CEP112: variants seen among roughly 807,000 people sequenced by gnomAD.
CEP112 encodes centrosomal protein of 112 kDa.
Under a neutral mutation model 153.0 loss-of-function variants are expected in CEP112, and 127 were observed. The observed-to-expected ratio is 0.83, with a 90% CI of 0.72 to 0.96. The LOEUF is 0.96. Among genes scored for constraint, CEP112 ranks in the 40% least tolerant of loss-of-function variants. CEP112 has a pLI of 0.00. For missense variants in CEP112, 1,089 were observed against 1,101.2 expected (o/e 0.99, Z 0.16); for synonymous variants, 358 against 374.4 (o/e 0.96, Z 0.51).
intron 23 of CEP112, among the ~76,000 whole-genome samples, chr17:65,692,519 G>A (rs1048852599): frequency 1.3e-5 from 2 of 152,030 alleles, no homozygotes; most frequent in Non-Finnish European, 2.9e-5. Flanking sequence ...GAGTCACCAC[G>A]CCTGGCCTGG....
chr17:65,687,070 A>T (rs1447187952), intron 24 of CEP112, among the ~76,000 whole-genome samples: 1 of 151,152 alleles, frequency 6.6e-6, no homozygotes, highest in Non-Finnish European at 1.5e-5. Context: ...TTACATGGTT[A>T]TTGTGAAAAT....
At chr17:65,697,370 A>G (rs561154436) in intron 23 of CEP112, among the ~76,000 whole-genome samples, 1 of 152,290 alleles carries the variant, frequency 6.6e-6, no homozygotes, top group Admixed American at 6.5e-5. Flanking sequence ...AATTCAGTCT[A>G]TTAACTGGGC....
At chr17:65,767,631 A>G (rs575144156) in intron 21 of CEP112, among the ~76,000 whole-genome samples, 1 of 151,928 alleles carries the variant, frequency 6.6e-6, no homozygotes, top group South Asian at 2.1e-4. Context: ...TCTTAGTTAT[A>G]CCAGCTTAAA....
chr17:66,081,452 T>G (rs1184590729), intron 8 of CEP112, among the ~76,000 whole-genome samples: 1 of 152,202 alleles, frequency 6.6e-6, no homozygotes, highest in Non-Finnish European at 1.5e-5. Context: ...ACAATGGCAT[T>G]TCTTTGTACA....
chr17:65,864,124 G>C lies in CEP112; in HGVS notation c.2164-12090C>G, dbSNP rs555775881. On this transcript the variant is annotated intron_variant, in intron 20 of 26. Coordinates refer to ENST00000535342, the MANE Select transcript of CEP112 (RefSeq NM_001199165.4). Reference sequence around the variant, plus strand: ...CCACTACACTCCAGCCTGGGCGACAGAGTGAGACTCCTCAAAAAAAAAAAA... The same window carrying C: ...CCACTACACTCCAGCCTGGGCGACACAGTGAGACTCCTCAAAAAAAAAAAA... 3.0e-5 allele frequency among the ~76,000 whole-genome samples: 4 copies of C among 133,920 alleles called. No homozygotes were observed. In the Admixed American group the frequency reaches 3.3e-4, roughly 11 times the overall value. The allele number at this position is 133,920 out of a possible 152,430, so 87.9% of individuals were successfully genotyped here.
At chr17:65,726,637 G>C (rs1032621466) in intron 23 of CEP112, among the ~76,000 whole-genome samples, 1 of 152,172 alleles carries the variant, frequency 6.6e-6, no homozygotes, top group African/African-American at 2.4e-5. Flanking sequence ...AAGCAGAAGA[G>C]TTTGATCATG....
chr17:65,970,434 ACAT>A (rs1285721771), intron 17 of CEP112, among the ~76,000 whole-genome samples: 1,123 of 46,436 alleles, frequency 0.024, 44 homozygotes, highest in Non-Finnish European at 0.024. Flanking sequence ...ATGCATGCAC[ACAT>A]CATGCATGTA....
At chr17:65,877,154 C>T (rs2146554151) in intron 20 of CEP112, among the ~76,000 whole-genome samples, 1 of 152,326 alleles carries the variant, frequency 6.6e-6, no homozygotes, top group South Asian at 2.1e-4. Flanking sequence ...TGCAGTCCAG[C>T]TGCAATTCAA....
At chr17:65,696,411 T>C (rs2048358397) in intron 23 of CEP112, among the ~76,000 whole-genome samples, 1 of 152,170 alleles carries the variant, frequency 6.6e-6, no homozygotes, top group African/African-American at 2.4e-5. Context: ...TTGAATGCTA[T>C]AGTGTTCTGT....
At chr17:65,829,277 C>T (rs1404243852) in intron 21 of CEP112, among the ~76,000 whole-genome samples, 1 of 152,130 alleles carries the variant, frequency 6.6e-6, no homozygotes, top group East Asian at 1.9e-4. Flanking sequence ...TACTCAACCA[C>T]TTTCAATTTT....
intron 21 of CEP112, among the ~76,000 whole-genome samples, chr17:65,763,237 T>A (rs1442868522): frequency 2.0e-5 from 3 of 152,000 alleles, no homozygotes; most frequent in Non-Finnish European, 4.4e-5. Flanking sequence ...CAATACTTTT[T>A]AAACATTTTT....
At chr17:66,121,628 T>C (rs2069594963) in intron 6 of CEP112, among the ~76,000 whole-genome samples, 1 of 152,170 alleles carries the variant, frequency 6.6e-6, no homozygotes, top group Admixed American at 6.5e-5. Flanking sequence ...TTCAAATCTA[T>C]TGCTGAGCCC....
chr17:66,145,128 C>T (rs895757859), intron 4 of CEP112, among the ~76,000 whole-genome samples: 4 of 152,144 alleles, frequency 2.6e-5, no homozygotes, highest in African/African-American at 9.7e-5. Context: ...TTATAATTTG[C>T]ATTTCCCTGC....
At chr17:66,091,744 GAGTT>G (rs1456712949) in intron 8 of CEP112, among the ~76,000 whole-genome samples, 1 of 152,082 alleles carries the variant, frequency 6.6e-6, no homozygotes, top group East Asian at 1.9e-4. Flanking sequence ...GTAAAATTAA[GAGTT>G]AGTTATTTGA....
intron 23 of CEP112, among the ~76,000 whole-genome samples, chr17:65,702,308 C>T (rs936174628): frequency 6.6e-6 from 1 of 152,196 alleles, no homozygotes. Context: ...CACCCTGCAT[C>T]CTTATCCTGT....
At chr17:65,729,909 T>A (rs112409588) in intron 23 of CEP112, among the ~76,000 whole-genome samples, 1 of 123,668 alleles carries the variant, frequency 8.1e-6, no homozygotes, top group Admixed American at 9.3e-5. Flanking sequence ...CGAGATCCTG[T>A]CTCAAACAAA....
In CEP112 at chr17:65,805,281, G is replaced by A. The variant is rs116920679; in HGVS notation, c.2394+46523C>T. ...CACTTGCCCAGAGATCAGAGTTCCA[G>A]TGGCAATGGTGTGTATTATTTAGGA... On this transcript the variant is annotated intron_variant, in intron 21 of 26. Coordinates refer to ENST00000535342, the MANE Select transcript of CEP112 (RefSeq NM_001199165.4). 1.1e-3 allele frequency among the ~76,000 whole-genome samples: 175 copies of A among 152,292 alleles called. 3 individuals carry two copies. The East Asian group carries it at 0.018, about 16-fold the overall frequency.
chr17:65,981,730 A>G (rs1182225647), intron 17 of CEP112, among the ~76,000 whole-genome samples: 2 of 152,100 alleles, frequency 1.3e-5, no homozygotes, highest in African/African-American at 2.4e-5. Context: ...ATGCGCCACC[A>G]TGCCCAGCTA....
Position 66,154,512 on chromosome 17 carries a change from G to A in CEP112, c.470+20532C>T, listed in dbSNP as rs190828459. On this transcript the variant is annotated intron_variant, in intron 4 of 26. Coordinates refer to ENST00000535342, the MANE Select transcript of CEP112 (RefSeq NM_001199165.4). ...TCTAGGTGACAGAGCGAGACTCTGT[G>A]TAGAAAAAATAAATAAAATAAAATA... Among the ~76,000 whole-genome samples the A allele has an allele frequency of 2.8e-3, 424 of 152,134 alleles. 2 individuals are homozygous for A. The highest frequency in any genetic ancestry group is 9.4e-3 in the African/African-American group (391 of 41,502).
Sources: gnomAD v4.1 joint callset for allele counts (sites outside exome capture counted in the v4.1 genomes callset) on GRCh38, gnomAD v4.1.1 for gene constraint, MANE v1.5 for transcripts, NCBI Gene and HGNC (gene_info 2026-07-23, HGNC 2026-07-21) for gene names.